BRCA2: variants seen among roughly 807,000 people sequenced by gnomAD.
BRCA2 encodes the protein BRCA2 DNA repair associated, also known as breast cancer type 2 susceptibility protein.
Under a neutral mutation model 276.7 loss-of-function variants are expected in BRCA2, and 203 were observed. The ratio of observed to expected loss-of-function variants is 0.73; its 90% confidence interval spans 0.65 to 0.82. The LOEUF is 0.82. BRCA2 is among the 40% of genes least tolerant of loss of function. BRCA2 has a pLI of 0.00. For missense variants in BRCA2, 3,920 were observed against 3,915.0 expected (o/e 1.00, Z -0.03); for synonymous variants, 1,289 against 1,338.4 (o/e 0.96, Z 0.81).
In BRCA2 at chr13:32,356,510, G is replaced by A. The variant is rs776233733; in HGVS notation, c.7518G>A (p.Gln2506=). Residue 2506 remains glutamine, a synonymous_variant, in exon 15 of 27, where the codon CAG becomes CAA. Coordinates refer to ENST00000380152, the MANE Select transcript of BRCA2 (RefSeq NM_000059.4). ...AACAAAGGCAACGCGTCTTTCCACA[G>A]CCAGGCAGTCTGTATCTTGCAAAAA... ...KKKQRQRVFP[Q]PGSLYLAKTS... The A allele has an allele frequency of 6.2e-7, 1 of 1,614,212 alleles. No homozygotes were observed. Among genetic ancestry groups the A allele is most frequent in the Non-Finnish European group, 8.5e-7 (1 of 1,180,018 alleles).
In BRCA2 at chr13:32,336,985, C is replaced by T. The variant is rs2137488349; in HGVS notation, c.2630C>T (p.Pro877Leu). 1 of 1,587,670 alleles carries T rather than the reference C, an allele frequency of 6.3e-7. No homozygotes were observed. Among genetic ancestry groups the T allele is most frequent in the South Asian group, 1.2e-5 (1 of 84,968 alleles). The stretch of plus-strand genomic sequence containing the variant: ...TCAATTTCAAAAATAACTGTCAATC[C>T]AGACTCTGAAGAACTTTTCTCAGAC... Reference protein sequence around the residue: ...TTSISKITVNPDSEELFSDNE... With the variant: ...TTSISKITVNLDSEELFSDNE... The change falls in exon 11 of 27, where the codon CCA (proline) becomes CTA (leucine). Residue 877 changes from proline to leucine, a missense_variant. Pro to Leu is a moderately conservative substitution (Grantham distance 98). Coordinates refer to ENST00000380152, the MANE Select transcript of BRCA2 (RefSeq NM_000059.4).
At chr13:32,372,602 C>T (rs953434315) in intron 20 of BRCA2, among the ~76,000 whole-genome samples, 3 of 152,120 alleles carry the variant, frequency 2.0e-5, no homozygotes, top group Admixed American at 6.5e-5. Flanking sequence ...CAATCACCTC[C>T]CACCAGGTCT....
At chr13:32,381,486 G>C (rs1187205748) in intron 24 of BRCA2, among the ~76,000 whole-genome samples, 1 of 152,136 alleles carries the variant, frequency 6.6e-6, no homozygotes, top group Non-Finnish European at 1.5e-5. Context: ...TTGAGGGAGT[G>C]AGGTGAGGCA....
In BRCA2 at chr13:32,380,165, ATT is replaced by A. The variant is rs751714705; in HGVS notation, c.9256+27_9256+28del. 1 of 1,587,098 alleles carries A rather than the reference ATT, an allele frequency of 6.3e-7. No homozygotes were observed. The highest frequency in any genetic ancestry group is 1.2e-5 in the South Asian group (1 of 85,782). On this transcript the variant is annotated intron_variant, in intron 24 of 26. Transcript: ENST00000380152. ...AAACAGGTAATGCACAATATAGTTAATTTTTTTTATTGATTCTTTTAAAAAAC... is the reference window on the plus strand; with the variant it reads ...AAACAGGTAATGCACAATATAGTTAATTTTTTATTGATTCTTTTAAAAAAC...
intron 18 of BRCA2, among the ~76,000 whole-genome samples, chr13:32,366,454 A>C (rs1175361439): frequency 1.3e-5 from 2 of 152,206 alleles, no homozygotes; most frequent in African/African-American, 2.4e-5. Flanking sequence ...GTGAGATTGA[A>C]GTAAAAGAAA....
At chr13:32,325,251 A>T in intron 4 of BRCA2, 67 bp downstream of exon 4, 1 of 1,200,986 alleles carries the variant, frequency 8.3e-7, no homozygotes, top group Non-Finnish European at 1.2e-6. Context: ...TGTTCTATAA[A>T]GATGAATCTG....
intron 10 of BRCA2, among the ~76,000 whole-genome samples, chr13:32,335,503 T>A (rs2072441123): frequency 3.9e-5 from 6 of 152,242 alleles, no homozygotes; most frequent in Admixed American, 3.9e-4. Flanking sequence ...TGTTAGTATA[T>A]GGACCCTGTT....
chr13:32,370,778 A>G (rs2072826116), intron 19 of BRCA2, among the ~76,000 whole-genome samples, 178 bp from the exon 20 acceptor site: 1 of 152,122 alleles, frequency 6.6e-6, no homozygotes, highest in Non-Finnish European at 1.5e-5. Context: ...TTTTTGGTAG[A>G]GAAGGGGTTT....
chr13:32,372,996 C>CT lies in BRCA2; in HGVS notation c.8632+1910dup, dbSNP rs35596121. 0.28 allele frequency among the ~76,000 whole-genome samples: 40,964 copies of CT among 144,480 alleles called. 5,739 individuals carry two copies. The highest frequency in any genetic ancestry group is 0.39 in the East Asian group (1,865 of 4,794). 94.8% of individuals were successfully genotyped at this position (144,480 alleles called of 152,430 possible). Reference sequence around the variant, plus strand: ...AAACCTAGCCAGGCAATCAATGAATCTTTTTTTTTTTTTTGAGACAGGGTC... The same window carrying CT: ...AAACCTAGCCAGGCAATCAATGAATCTTTTTTTTTTTTTTTGAGACAGGGTC... On this transcript the variant is annotated intron_variant, in intron 20 of 26. Transcript: ENST00000380152.
rs80358957 is a variant in BRCA2, at chr13:32,355,166, A to T, written c.7313A>T (p.Asp2438Val). ...LEENRQKQNI[D>V]GHGSDDSKNK... ...GAAAACAGACAAAAGCAAAACATTG[A>T]TGGACATGGCTCTGATGATAGTAAA... is the stretch of plus-strand genomic sequence containing the variant. The change falls in exon 14 of 27, where the codon GAT (aspartate) becomes GTT (valine). Residue 2438 changes from aspartate (D) to valine (V), a missense_variant. Physicochemically the swap from Asp to Val is radical, Grantham distance 152. This residue lies in a region of BRCA2 where 3,263 missense variants were observed against 3,156.9 expected (regional missense o/e 1.03). Transcript: ENST00000380152. 1 of 1,613,464 alleles carries T rather than the reference A, an allele frequency of 6.2e-7. No homozygotes were observed.
At chr13:32,336,159 G>T (rs992736376) in intron 10 of BRCA2, 106 bp from the exon 11 acceptor site, 6 of 1,277,060 alleles carry the variant, frequency 4.7e-6, no homozygotes, top group Non-Finnish European at 6.4e-6. Context: ...GAGATTACAG[G>T]CATGAGCCAC....
chr13:32,395,158 G>GT (rs1412405141), intron 25 of BRCA2, among the ~76,000 whole-genome samples: 1 of 152,168 alleles, frequency 6.6e-6, no homozygotes, highest in African/African-American at 2.4e-5. Context: ...AGGAGAAATT[G>GT]TGAGAAGGAT....
chr13:32,336,517 C>G lies in BRCA2; in HGVS notation c.2162C>G (p.Pro721Arg), dbSNP rs730881512. The G allele has an allele frequency of 6.2e-7, 1 of 1,613,854 alleles. No homozygotes were observed. Among genetic ancestry groups the G allele is most frequent in the Non-Finnish European group, 8.5e-7 (1 of 1,179,940 alleles). Reference protein sequence around the residue: ...CLQEGQCENDPKSKKVSDIKE... With the variant: ...CLQEGQCENDRKSKKVSDIKE... ...CAGGAAGGACAGTGTGAAAATGATCCAAAAAGCAAAAAAGTTTCAGATATA... is the reference window on the plus strand; with the variant it reads ...CAGGAAGGACAGTGTGAAAATGATCGAAAAAGCAAAAAAGTTTCAGATATA... Residue 721 changes from proline to arginine, a missense_variant, in exon 11 of 27, where the codon CCA (proline) becomes CGA (arginine). By Grantham distance (103) the Pro-to-Arg change is moderately radical. Around this residue, in one of 2 missense-constraint regions of BRCA2, gnomAD observed 3,263 missense variants for 3,156.9 expected, o/e 1.03. Transcript: ENST00000380152.
rs397507885 is a variant in BRCA2, at chr13:32,341,164, GA to G, written c.6814del (p.Arg2272GlufsTer8). 6.2e-7 allele frequency: 1 copy of G among 1,613,864 alleles called. No individual in the cohort carries two copies. Among genetic ancestry groups the G allele is most frequent in the Non-Finnish European group, 8.5e-7 (1 of 1,179,888 alleles). On this transcript the variant is annotated frameshift_variant, in exon 11 of 27. Transcript: ENST00000380152. LOFTEE classifies it high-confidence loss of function. ...EEMVLSNSRIGKRRGEPLILV... is the reference protein window; with the variant it reads ...EEMVLSNSRIXKRRGEPLILV... The stretch of plus-strand genomic sequence containing the variant: ...ATGGTTTTGTCAAATTCAAGAATTG[GA>G]AAAAGAAGAGGAGAGCCCCTTATCT...
rs80358785 is a variant in BRCA2, at chr13:32,340,000, C to A, written c.5645C>A (p.Ser1882Ter). ...KVIKENNENK[S>*]KICQTKIMAG... ...ATTAAGGAAAACAACGAGAATAAAT[C>A]AAAAATTTGCCAAACGAAAATTATG... Residue 1882 changes from serine (S) to a stop codon, truncating the protein, a stop_gained, in exon 11 of 27, where the codon TCA (serine) becomes TAA (stop). Coordinates refer to ENST00000380152, the MANE Select transcript of BRCA2 (RefSeq NM_000059.4). LOFTEE classifies it high-confidence loss of function. The A allele has an allele frequency of 7.4e-6, 12 of 1,612,490 alleles. No individual in the cohort carries two copies. The highest frequency in any genetic ancestry group is 2.2e-5 in the East Asian group (1 of 44,834).
rs1451913381 is a variant in BRCA2 at position 32,399,765 on chromosome 13, G to A, written c.*995G>A. The A allele has an allele frequency of 6.5e-6, 1 of 154,230 alleles. No homozygotes were observed. Among genetic ancestry groups the A allele is most frequent in the South Asian group, 2.1e-4 (1 of 4,800 alleles). The allele number at this position is 154,230 out of a possible 1,614,324, so 9.6% of individuals were successfully genotyped here. A position where few individuals can be genotyped will look rare whatever the true frequency, so the allele number is the denominator to read the frequency against. ...GCAGAAGATTAATTCAATTTAAGAT[G>A]ATACTCTCATTTGTTACGTCCTTTT... On this transcript the variant is annotated 3_prime_UTR_variant, in exon 27 of 27. Coordinates refer to ENST00000380152, the MANE Select transcript of BRCA2 (RefSeq NM_000059.4).
Position 32,396,969 on chromosome 13 carries a change from G to A in BRCA2, c.9573G>A (p.Trp3191Ter), listed in dbSNP as rs398122617. The change falls in exon 26 of 27, where the codon TGG (tryptophan) becomes TGA (stop). Residue 3191 changes from tryptophan to a stop codon, truncating the protein, a stop_gained. Coordinates refer to ENST00000380152, the MANE Select transcript of BRCA2 (RefSeq NM_000059.4). LOFTEE classifies it high-confidence loss of function. Reference protein sequence around the residue: ...MHILHANDPKWSTPTKDCTSG... With the variant: ...MHILHANDPK ...TACTGCATGCAAATGATCCCAAGTG[G>A]TCCACCCCAACTAAAGACTGTACTT... 6.2e-7 allele frequency: 1 copy of A among 1,613,984 alleles called. No homozygotes were observed. Among genetic ancestry groups the A allele is most frequent in the Non-Finnish European group, 8.5e-7 (1 of 1,179,926 alleles).
rs1566231200 is a variant in BRCA2 at position 32,339,181 on chromosome 13, C to A, written c.4826C>A (p.Thr1609Asn). ...GATAAAAACCTTGTTTCTATTGAGA[C>A]TGTGGTGCCACCTAAGCTCTTAAGT... ...NNDKNLVSIETVVPPKLLSDN... is the reference protein window; with the variant it reads ...NNDKNLVSIENVVPPKLLSDN... The change falls in exon 11 of 27, where the codon ACT (threonine) becomes AAT (asparagine). Residue 1609 changes from threonine to asparagine, a missense_variant. Coordinates refer to ENST00000380152, the MANE Select transcript of BRCA2 (RefSeq NM_000059.4). 1.2e-6 allele frequency: 2 copies of A among 1,613,700 alleles called. No homozygotes were observed. The highest frequency in any genetic ancestry group is 1.7e-6 in the Non-Finnish European group (2 of 1,179,686).
chr13:32,316,582 A>G lies in BRCA2; in HGVS notation c.67+55A>G, dbSNP rs896941748. 7.3e-6 allele frequency: 11 copies of G among 1,510,104 alleles called. No individual in the cohort carries two copies. The Admixed American group carries it at 1.9e-4, about 26-fold the overall frequency. The allele number at this position is 1,510,104 out of a possible 1,614,324, so 93.5% of individuals were successfully genotyped here. A position where few individuals can be genotyped will look rare whatever the true frequency, so the allele number is the denominator to read the frequency against. ...ATTACACCGAGAAAGTGTTTTCTAA[A>G]AAATGCTTGCTAAAAACCCAGTACG... On this transcript the variant is annotated intron_variant, in intron 2 of 26. Transcript: ENST00000380152.
Sources: allele counts gnomAD v4.1 joint callset (sites outside exome capture counted in the v4.1 genomes callset), GRCh38; gene constraint gnomAD v4.1.1; regional missense constraint gnomAD v4.1.1; transcripts MANE v1.5; gene names NCBI Gene and HGNC (gene_info 2026-07-23, HGNC 2026-07-21).